Variants in MAGI2 observed in about 807,000 individuals in gnomAD.
The protein encoded by MAGI2 is membrane associated guanylate kinase, WW and PDZ domain containing 2, also known as membrane-associated guanylate kinase, WW and PDZ domain-containing protein 2.
MAGI2 carries 35 observed loss-of-function variants against 133.3 expected under a neutral mutation model. That is an observed-to-expected ratio of 0.26 (90% CI 0.20 to 0.35). MAGI2 has a LOEUF of 0.35. MAGI2 is among the 10% of genes least tolerant of loss of function. The pLI, the probability that MAGI2 is intolerant of heterozygous loss-of-function variation, is 1.00. For synonymous variants in MAGI2, 729 were observed against 710.6 expected (o/e 1.03, Z -0.41); for missense variants, 1,636 against 1,863.4 (o/e 0.88, Z 2.25).
chr7:79,370,649 T>C (rs1197369405), intron 1 of MAGI2, among the ~76,000 whole-genome samples: 2 of 151,832 alleles, frequency 1.3e-5, no homozygotes, highest in Non-Finnish European at 2.9e-5. Flanking sequence ...ATTAGTTCTT[T>C]TTTTTTTATG....
intron 3 of MAGI2, among the ~76,000 whole-genome samples, chr7:78,527,635 C>T (rs1462244535): frequency 6.6e-6 from 1 of 152,130 alleles, no homozygotes; most frequent in Non-Finnish European, 1.5e-5. Flanking sequence ...ACACTGAAAA[C>T]TAATTTTAGG....
At chr7:79,227,708 T>C (rs555109724) in intron 1 of MAGI2, among the ~76,000 whole-genome samples, 1 of 152,298 alleles carries the variant, frequency 6.6e-6, no homozygotes, top group East Asian at 1.9e-4. Context: ...ACTTCTAGCT[T>C]CCAAATCACA....
intron 9 of MAGI2, among the ~76,000 whole-genome samples, chr7:78,301,724 CA>C (rs1328548799): frequency 1.4e-4 from 21 of 152,114 alleles, no homozygotes; most frequent in Admixed American, 1.4e-3. Context: ...CATTTGCATC[CA>C]ATACCAATCT....
intron 1 of MAGI2, among the ~76,000 whole-genome samples, chr7:79,417,393 A>C (rs1401084973): frequency 6.6e-6 from 1 of 152,118 alleles, no homozygotes; most frequent in African/African-American, 2.4e-5. Flanking sequence ...CTGTTTACCA[A>C]GGTTTTGGGT....
intron 2 of MAGI2, among the ~76,000 whole-genome samples, chr7:78,717,107 T>C (rs1007535165): frequency 6.6e-6 from 1 of 152,146 alleles, no homozygotes; most frequent in Non-Finnish European, 1.5e-5. Context: ...CTCTCCCGCC[T>C]GGACCTACAA....
At chr7:79,088,439 CA>C (rs1816730626) in intron 1 of MAGI2, among the ~76,000 whole-genome samples, 1 of 152,036 alleles carries the variant, frequency 6.6e-6, no homozygotes, top group Non-Finnish European at 1.5e-5. Context: ...TCTAAATATA[CA>C]ATCATGTCAT....
chr7:79,074,146 GT>G (rs1478257167), intron 1 of MAGI2, among the ~76,000 whole-genome samples: 1 of 152,014 alleles, frequency 6.6e-6, no homozygotes, highest in Non-Finnish European at 1.5e-5. Context: ...ATTTTACCTT[GT>G]TGCCACCTTA....
intron 2 of MAGI2, among the ~76,000 whole-genome samples, chr7:78,755,346 C>T (rs994871109): frequency 2.6e-5 from 4 of 152,056 alleles, no homozygotes; most frequent in Non-Finnish European, 4.4e-5. Flanking sequence ...CATACGTACT[C>T]GAGTATTTTG....
intron 1 of MAGI2, among the ~76,000 whole-genome samples, chr7:79,392,657 C>T (rs34405085): frequency 0.051 from 7,687 of 152,148 alleles, 379 homozygotes; most frequent in East Asian, 0.18. Flanking sequence ...TAAATGTCTT[C>T]TTTTGAGAAG....
At chr7:79,229,430 GAAGGGGGAAAA>G (rs1831160234) in intron 1 of MAGI2, among the ~76,000 whole-genome samples, 1 of 152,176 alleles carries the variant, frequency 6.6e-6, no homozygotes, top group African/African-American at 2.4e-5. Context: ...GATCGGCATA[GAAGGGGGAAAA>G]ACTTGAGTCA....
intron 1 of MAGI2, among the ~76,000 whole-genome samples, chr7:79,357,191 T>G (rs1032976402): frequency 9.2e-5 from 14 of 152,190 alleles, no homozygotes; most frequent in Non-Finnish European, 1.5e-5. Context: ...CCCAAAGGAC[T>G]GGAAAGTCAA....
At position 79,353,890 on chromosome 7, in the gene MAGI2, G is replaced by A. The variant is rs150352342; in HGVS notation, c.301+99130C>T. 2.1e-3 allele frequency: 386 copies of A among 181,512 alleles called. 2 individuals are homozygous for A. The highest frequency in any genetic ancestry group is 8.4e-3 in the African/African-American group (360 of 42,720). The allele number at this position is 181,512 out of a possible 1,614,324, so 11.2% of individuals were successfully genotyped here. ...TGGCCATGTCCATTCATAGTTCTGG[G>A]CACAGCCCTGCTGGGTGCTACGGTG... On this transcript the variant is annotated intron_variant, in intron 1 of 21. Transcript: ENST00000354212.
At position 79,369,728 on chromosome 7, in the gene MAGI2, G is replaced by A. The variant is rs145770274; in HGVS notation, c.301+83292C>T. ...AGAATATGTAATGTACATGCACATC[G>A]ATACATATGTGTGTTTATTGCTTTT... On this transcript the variant is annotated intron_variant, in intron 1 of 21. Coordinates refer to ENST00000354212, the MANE Select transcript of MAGI2 (RefSeq NM_012301.4). Among the ~76,000 whole-genome samples, 70 of 152,230 alleles carry A rather than the reference G, an allele frequency of 4.6e-4. No individual in the cohort carries two copies. The East Asian group carries it at 0.013, about 28-fold the overall frequency.
chr7:78,503,785 A>G (rs1252215345), intron 4 of MAGI2, among the ~76,000 whole-genome samples: 1 of 150,724 alleles, frequency 6.6e-6, no homozygotes, highest in Non-Finnish European at 1.5e-5. Context: ...ATAAGTGAAA[A>G]TAAGGTGGGC....
intron 2 of MAGI2, among the ~76,000 whole-genome samples, chr7:78,702,580 A>G (rs1243260764): frequency 6.6e-6 from 1 of 151,992 alleles, no homozygotes; most frequent in African/African-American, 2.4e-5. Flanking sequence ...TTAGCCCCCC[A>G]ATAAATAAAA....
At chr7:78,291,138 T>C (rs1391077302) in intron 9 of MAGI2, among the ~76,000 whole-genome samples, 6 of 152,042 alleles carry the variant, frequency 3.9e-5, no homozygotes, top group Non-Finnish European at 5.9e-5. Flanking sequence ...TCCATGAATA[T>C]GGGAGCTGGT....
At position 78,598,853 on chromosome 7, in the gene MAGI2, T is replaced by C. The variant is rs994837390; in HGVS notation, c.538+28267A>G. On this transcript the variant is annotated intron_variant, in intron 3 of 21. Coordinates refer to ENST00000354212, the MANE Select transcript of MAGI2 (RefSeq NM_012301.4). ...GGCTTGAGAAAGTAGGTACCGTTCA[T>C]GGAGACAGGTAAGTATCCCTTGAGA... is the stretch of plus-strand genomic sequence containing the variant. Among the ~76,000 whole-genome samples, 19 of 152,134 alleles carry C rather than the reference T, an allele frequency of 1.2e-4. 1 individual carries two copies. In the East Asian group the frequency reaches 1.3e-3, roughly 11 times the overall value.
At chr7:79,292,603 A>C (rs1836576707) in intron 1 of MAGI2, among the ~76,000 whole-genome samples, 1 of 151,782 alleles carries the variant, frequency 6.6e-6, no homozygotes, top group Non-Finnish European at 1.5e-5. Context: ...ACTGCACTCC[A>C]GCCTGGGTGA....
intron 6 of MAGI2, among the ~76,000 whole-genome samples, chr7:78,452,841 A>T (rs187443981): frequency 8.4e-4 from 128 of 152,208 alleles, no homozygotes; most frequent in African/African-American, 2.9e-3. Context: ...GAACATTCAG[A>T]TGTAAAAAAG....
Sources: gnomAD v4.1 joint callset for allele counts (sites outside exome capture counted in the v4.1 genomes callset) on GRCh38, gnomAD v4.1.1 for gene constraint, MANE v1.5 for transcripts, NCBI Gene and HGNC (gene_info 2026-07-23, HGNC 2026-07-21) for gene names.